The following TGFBR3 variants were observed in gnomAD, a reference collection of about 807,000 sequenced individuals.
The protein encoded by TGFBR3 is transforming growth factor beta receptor type 3.
A neutral mutation model predicts 87.9 loss-of-function variants in TGFBR3; 46 were observed. That is an observed-to-expected ratio of 0.52 (90% CI 0.41 to 0.67). The LOEUF (loss-of-function observed/expected upper bound fraction) is 0.67. Among genes scored for constraint, TGFBR3 ranks in the 30% least tolerant of loss-of-function variants. TGFBR3 has a pLI of 0.00. For missense variants in TGFBR3, 866 were observed against 1,041.9 expected (o/e 0.83, Z 2.32); for synonymous variants, 381 against 391.6 (o/e 0.97, Z 0.32).
At chr1:91,896,265 T>TATTCA (rs1679548986) in intron 2 of TGFBR3, among the ~76,000 whole-genome samples, 1 of 152,158 alleles carries the variant, frequency 6.6e-6, no homozygotes, top group African/African-American at 2.4e-5. Flanking sequence ...ATCTGACAGG[T>TATTCA]ATTCAATAAA....
chr1:91,759,030 C>A (rs1673854262), intron 3 of TGFBR3, among the ~76,000 whole-genome samples: 1 of 152,178 alleles, frequency 6.6e-6, no homozygotes, highest in Non-Finnish European at 1.5e-5. Flanking sequence ...AAACAGAACA[C>A]ATTTTTTCTT....
chr1:91,738,404 G>A (rs997192759), intron 4 of TGFBR3, among the ~76,000 whole-genome samples: 5 of 152,152 alleles, frequency 3.3e-5, no homozygotes, highest in African/African-American at 1.2e-4. Context: ...TGGATCATGG[G>A]GGCAGATCCC....
intron 1 of TGFBR3, among the ~76,000 whole-genome samples, chr1:91,900,152 T>C (rs17886020): frequency 0.086 from 13,100 of 152,226 alleles, 640 homozygotes; most frequent in African/African-American, 0.13. Flanking sequence ...TCTCACTCTG[T>C]TGCCCAGGTT....
chr1:91,841,042 C>T (rs1042032409), intron 2 of TGFBR3, among the ~76,000 whole-genome samples: 1 of 152,176 alleles, frequency 6.6e-6, no homozygotes, highest in African/African-American at 2.4e-5. Context: ...AACTCCGGAC[C>T]TCAGGTGATC....
chr1:91,726,747 C>G (rs1054788717), intron 7 of TGFBR3, among the ~76,000 whole-genome samples: 2 of 134,706 alleles, frequency 1.5e-5, no homozygotes, highest in African/African-American at 5.6e-5. Flanking sequence ...AACATAAAAC[C>G]CACTTCAGCT....
chr1:91,846,109 C>T (rs199837312), intron 2 of TGFBR3, among the ~76,000 whole-genome samples: 1 of 151,830 alleles, frequency 6.6e-6, no homozygotes, highest in Admixed American at 6.6e-5. Context: ...GTTTAGAAAA[C>T]AATATAGCCA....
intron 14 of TGFBR3, among the ~76,000 whole-genome samples, chr1:91,702,281 T>C (rs1671647076): frequency 6.6e-6 from 1 of 152,108 alleles, no homozygotes; most frequent in Non-Finnish European, 1.5e-5. Flanking sequence ...ACCACAAATA[T>C]CACGTATATT....
At chr1:91,895,194 ATCATGAAGGCGAATTTC>A (rs1276482349) in intron 2 of TGFBR3, among the ~76,000 whole-genome samples, 1 of 152,172 alleles carries the variant, frequency 6.6e-6, no homozygotes, top group Admixed American at 6.5e-5. Context: ...AGGTGATTGG[ATCATGAAGGCGAATTTC>A]TCATGAATGG....
chr1:91,891,313 T>C (rs1416040438), intron 2 of TGFBR3, among the ~76,000 whole-genome samples: 1 of 151,384 alleles, frequency 6.6e-6, no homozygotes, highest in African/African-American at 2.4e-5. Context: ...GCCTAGGCAA[T>C]GTGGTGAAAC....
chr1:91,775,579 G>C (rs1373632703), intron 3 of TGFBR3, among the ~76,000 whole-genome samples: 2 of 152,228 alleles, frequency 1.3e-5, no homozygotes, highest in African/African-American at 4.8e-5. Context: ...TCCACAACTT[G>C]GTGCTGGGAA....
intron 7 of TGFBR3, among the ~76,000 whole-genome samples, chr1:91,724,317 C>T (rs960624284): frequency 6.6e-6 from 1 of 152,198 alleles, no homozygotes; most frequent in Non-Finnish European, 1.5e-5. Context: ...TGCATTCAGT[C>T]AACAGTAGTT....
chr1:91,730,056 G>T, intron 5 of TGFBR3, 83 bp from the exon 6 acceptor site: 1 of 1,506,194 alleles, frequency 6.6e-7, no homozygotes. Context: ...CAGTGAAACT[G>T]AGCAAATGGC....
chr1:91,837,045 A>G (rs1677091515), intron 2 of TGFBR3, among the ~76,000 whole-genome samples: 1 of 152,140 alleles, frequency 6.6e-6, no homozygotes, highest in African/African-American at 2.4e-5. Context: ...TAAGCCATCA[A>G]ATTGCCTTTC....
chr1:91,806,806 C>T (rs1469166274), intron 2 of TGFBR3, among the ~76,000 whole-genome samples: 1 of 152,208 alleles, frequency 6.6e-6, no homozygotes, highest in Non-Finnish European at 1.5e-5. Context: ...TTCTGAAATG[C>T]TGTCAGCTGC....
chr1:91,798,067 C>T (rs899379686), intron 2 of TGFBR3, among the ~76,000 whole-genome samples: 1 of 152,184 alleles, frequency 6.6e-6, no homozygotes, highest in African/African-American at 2.4e-5. Context: ...AAGTAGAGTG[C>T]TGGTCATACT....
At chr1:91,848,353 G>A (rs933702439) in intron 2 of TGFBR3, among the ~76,000 whole-genome samples, 4 of 152,106 alleles carry the variant, frequency 2.6e-5, no homozygotes, top group Admixed American at 2.6e-4. Flanking sequence ...AACAGAATCT[G>A]CATTTTAACA....
At chr1:91,885,839 G>A (rs1268559348) in intron 1 of TGFBR3, 39 bp downstream of exon 1, 3 of 314,330 alleles carry the variant, frequency 9.5e-6, no homozygotes, top group Non-Finnish European at 1.9e-5. Flanking sequence ...CCCACAGCCC[G>A]GGCGGGCTGC....
At chr1:91,725,234 C>G (rs1672508477) in intron 7 of TGFBR3, among the ~76,000 whole-genome samples, 1 of 152,118 alleles carries the variant, frequency 6.6e-6, no homozygotes, top group Admixed American at 6.5e-5. Flanking sequence ...ATGCCCCACC[C>G]CCGACACACA....
chr1:91,842,014 T>A (rs908675987), intron 2 of TGFBR3, among the ~76,000 whole-genome samples: 1 of 147,432 alleles, frequency 6.8e-6, no homozygotes, highest in African/African-American at 2.5e-5. Flanking sequence ...GGTAAGAGGA[T>A]CACTTGAGAC....
Sources: gnomAD v4.1 joint callset for allele counts (sites outside exome capture counted in the v4.1 genomes callset) on GRCh38, gnomAD v4.1.1 for gene constraint, MANE v1.5 for transcripts, NCBI Gene and HGNC (gene_info 2026-07-23, HGNC 2026-07-21) for gene names.